The following NFATC3 variants were observed in gnomAD, a reference collection of about 807,000 sequenced individuals.
NFATC3 encodes the protein nuclear factor of activated T cells 3.
A neutral mutation model predicts 98.6 loss-of-function variants in NFATC3; 46 were observed. The ratio of observed to expected loss-of-function variants is 0.47; its 90% CI spans 0.37 to 0.60. The LOEUF is 0.60. NFATC3 is among the 20% of genes least tolerant of loss of function. The probability of loss-of-function intolerance (pLI) is 0.00; values close to 1 mark genes in which losing one functional copy is unlikely to be tolerated. For synonymous variants in NFATC3, 512 were observed against 472.2 expected (o/e 1.08, Z -1.09); for missense variants, 1,256 against 1,295.5 (o/e 0.97, Z 0.47).
intron 8 of NFATC3, among the ~76,000 whole-genome samples, chr16:68,184,860 AAG>A (rs574512334): frequency 1.3e-5 from 2 of 152,192 alleles, no homozygotes; most frequent in East Asian, 1.9e-4. Context: ...AGTTTTTGTA[AAG>A]AGAGAGAAAG....
Position 68,124,932 on chromosome 16 carries a change from T to G in NFATC3, c.1239-1516T>G, listed in dbSNP as rs571312344. Among the ~76,000 whole-genome samples, 5 of 151,912 alleles carry G rather than the reference T, an allele frequency of 3.3e-5. No individual in the cohort carries two copies. The South Asian group carries it at 1.0e-3, about 32-fold the overall frequency. ...TTTTAGTAGAGAATGGGTTTCACCATGTTGGCCAGGCTGGTCTTGAACTCC... is the reference window on the plus strand; with the variant it reads ...TTTTAGTAGAGAATGGGTTTCACCAGGTTGGCCAGGCTGGTCTTGAACTCC... On this transcript the variant is annotated intron_variant, in intron 2 of 9. Coordinates refer to ENST00000346183, the MANE Select transcript of NFATC3 (RefSeq NM_173165.3).
At position 68,085,454 on chromosome 16, in the gene NFATC3, T is replaced by A; in HGVS notation, c.-228T>A. 2.3e-6 allele frequency: 1 copy of A among 431,898 alleles called. No individual in the cohort carries two copies. Among genetic ancestry groups the A allele is most frequent in the South Asian group, 3.2e-5 (1 of 30,808 alleles). 26.8% of individuals were successfully genotyped at this position (431,898 alleles called of 1,614,324 possible). A position where few individuals can be genotyped will look rare whatever the true frequency, so the allele number is the denominator to read the frequency against. Reference sequence around the variant, plus strand: ...CATTGGCTAAGCCGACAGTGGAGGCTTAGGCACCGGTGGCGGGCGGCTGCG... The same window carrying A: ...CATTGGCTAAGCCGACAGTGGAGGCATAGGCACCGGTGGCGGGCGGCTGCG... On this transcript the variant is annotated 5_prime_UTR_variant, in exon 1 of 10. Transcript: ENST00000346183.
At chr16:68,149,255 A>G (rs1300920146) in intron 3 of NFATC3, among the ~76,000 whole-genome samples, 1 of 152,244 alleles carries the variant, frequency 6.6e-6, no homozygotes, top group African/African-American at 2.4e-5. Flanking sequence ...TGACCATTTT[A>G]TTAGTTCCCA....
At chr16:68,132,516 C>T (rs2037169103) in intron 3 of NFATC3, among the ~76,000 whole-genome samples, 1 of 152,156 alleles carries the variant, frequency 6.6e-6, no homozygotes, top group Non-Finnish European at 1.5e-5. Flanking sequence ...AAAAATAGAA[C>T]TACCATGTGA....
intron 2 of NFATC3, 69 bp from the exon 3 acceptor site, chr16:68,126,379 G>A: frequency 7.0e-7 from 1 of 1,425,618 alleles, no homozygotes. Flanking sequence ...TGCTGGCAAA[G>A]AAGCCATTTG....
chr16:68,184,169 A>G (rs1179803698), intron 8 of NFATC3, among the ~76,000 whole-genome samples: 1 of 152,158 alleles, frequency 6.6e-6, no homozygotes, highest in Non-Finnish European at 1.5e-5. Flanking sequence ...TTTACATGAG[A>G]TAAGTCCAAG....
intron 9 of NFATC3, among the ~76,000 whole-genome samples, chr16:68,198,873 C>A (rs1005123294): frequency 1.3e-5 from 2 of 152,208 alleles, no homozygotes; most frequent in Admixed American, 1.3e-4. Context: ...ATGGTGAAAC[C>A]CCGTCTCTAC....
At position 68,173,663 on chromosome 16, in the gene NFATC3, G is replaced by A. The variant is rs569142259; in HGVS notation, c.1775-711G>A. On this transcript the variant is annotated intron_variant, in intron 5 of 9. Transcript: ENST00000346183. ...AGAACTTGTCTTCTCTTCATTGCACGCAATATAATTATACATCTTTGGACT... is the reference window on the plus strand; with the variant it reads ...AGAACTTGTCTTCTCTTCATTGCACACAATATAATTATACATCTTTGGACT... Among the ~76,000 whole-genome samples the A allele has an allele frequency of 1.9e-4, 29 of 152,192 alleles. No individual in the cohort carries two copies. In the East Asian group the frequency reaches 5.4e-3, roughly 28 times the overall value.
At chr16:68,103,362 C>A (rs185084336) in intron 1 of NFATC3, among the ~76,000 whole-genome samples, 1 of 152,184 alleles carries the variant, frequency 6.6e-6, no homozygotes, top group East Asian at 1.9e-4. Context: ...GTGCATGCCA[C>A]CATGCCCAGC....
intron 9 of NFATC3, chr16:68,218,148 A>G (rs1272304508): frequency 3.6e-6 from 2 of 557,568 alleles, no homozygotes; most frequent in East Asian, 2.9e-4. Flanking sequence ...TGCATCCTGG[A>G]ACTCCCTGGG....
In NFATC3 at chr16:68,122,177, C is replaced by T; in HGVS notation, c.294C>T (p.Ser98=). The stretch of plus-strand genomic sequence containing the variant: ...GTGAGATTCCTGAATCTAAATATAG[C>T]CCATTAGGTGGTCCCAAACCCTTTG... ...GTCEIPESKY[S]PLGGPKPFEC... is the part of the protein sequence containing the mutation. Residue 98 remains serine, a synonymous_variant, in exon 2 of 10, where the codon AGC becomes AGT. Transcript: ENST00000346183. 1 of 1,614,082 alleles carries T rather than the reference C, an allele frequency of 6.2e-7. No homozygotes were observed. The highest frequency in any genetic ancestry group is 1.1e-5 in the South Asian group (1 of 91,070).
intron 9 of NFATC3, among the ~76,000 whole-genome samples, chr16:68,218,702 A>G (rs2041735505): frequency 6.6e-6 from 1 of 150,396 alleles, no homozygotes; most frequent in Non-Finnish European, 1.5e-5. Flanking sequence ...CCTCCTGAGT[A>G]GCTGGGACTA....
intron 1 of NFATC3, among the ~76,000 whole-genome samples, chr16:68,099,351 C>T (rs1253182737): frequency 4.0e-5 from 6 of 151,896 alleles, no homozygotes; most frequent in African/African-American, 1.2e-4. Context: ...AGGAGAATGG[C>T]GTGAACCCAG....
Position 68,158,045 on chromosome 16 carries a change from TC to T in NFATC3, c.1580del (p.Pro527LeufsTer15). On this transcript the variant is annotated frameshift_variant, in exon 4 of 10. Coordinates refer to ENST00000346183, the MANE Select transcript of NFATC3 (RefSeq NM_173165.3). LOFTEE classifies it high-confidence loss of function. Reference protein sequence around the residue: ...STKVLEIPLLPENNMSASIDC... With the variant: ...STKVLEIPLLXENNMSASIDC... The stretch of plus-strand genomic sequence containing the variant: ...CAAAAGTTCTGGAAATTCCACTTCT[TC>T]CTGAAAATAATATGTCAGCCAGGTA... 1.2e-6 allele frequency: 2 copies of T among 1,612,842 alleles called. No homozygotes were observed. The highest frequency in any genetic ancestry group is 1.7e-6 in the Non-Finnish European group (2 of 1,179,322).
intron 3 of NFATC3, among the ~76,000 whole-genome samples, chr16:68,131,714 C>T (rs1371996808): frequency 6.6e-6 from 1 of 150,974 alleles, no homozygotes; most frequent in Non-Finnish European, 1.5e-5. Context: ...TCTTGAACTC[C>T]TGGAGTCAAG....
rs888343123 is a variant in NFATC3, at chr16:68,199,220, T to C, written c.3106+7445T>C. On this transcript the variant is annotated intron_variant, in intron 9 of 9. Coordinates refer to ENST00000346183, the MANE Select transcript of NFATC3 (RefSeq NM_173165.3). ...AACAGACCAAGACCCTGTTTATTTTTTTTTTATTTTTTATTTTTTTTGAGA... is the reference window on the plus strand; with the variant it reads ...AACAGACCAAGACCCTGTTTATTTTCTTTTTATTTTTTATTTTTTTTGAGA... Among the ~76,000 whole-genome samples the C allele has an allele frequency of 5.4e-5, 8 of 149,350 alleles. No homozygotes were observed. In the South Asian group the frequency reaches 1.7e-3, roughly 31 times the overall value.
At chr16:68,221,314 CGAGGGAGAAGT>C (rs2041856658) in intron 9 of NFATC3, 1 of 1,611,192 alleles carries the variant, frequency 6.2e-7, no homozygotes, top group African/African-American at 1.3e-5. Flanking sequence ...GCCCCCAGCC[CGAGGGAGAAGT>C]GAGGGAGAAG....
Position 68,146,410 on chromosome 16 carries a change from G to GA in NFATC3, c.1402-11448dup, listed in dbSNP as rs76841161. On this transcript the variant is annotated intron_variant, in intron 3 of 9. Transcript: ENST00000346183. ...CATAGCAAGACCTTGTCTCCCAAAAGAAAAAAAAAAAGGATTTTTTTTAAA... is the reference window on the plus strand; with the variant it reads ...CATAGCAAGACCTTGTCTCCCAAAAGAAAAAAAAAAAAGGATTTTTTTTAAA... Among the ~76,000 whole-genome samples the GA allele has an allele frequency of 9.4e-3, 1,242 of 131,650 alleles. 16 individuals are homozygous for GA. The highest frequency in any genetic ancestry group is 0.031 in the African/African-American group (1,129 of 36,022). 86.4% of individuals were successfully genotyped at this position (131,650 alleles called of 152,430 possible).
At chr16:68,157,545 C>T (rs1377772542) in intron 3 of NFATC3, among the ~76,000 whole-genome samples, 1 of 152,004 alleles carries the variant, frequency 6.6e-6, no homozygotes, top group African/African-American at 2.4e-5. Context: ...TAATGTTGCC[C>T]AGAGTACAGA....
Sources: allele counts gnomAD v4.1 joint callset (sites outside exome capture counted in the v4.1 genomes callset), GRCh38; gene constraint gnomAD v4.1.1; transcripts MANE v1.5; gene names NCBI Gene and HGNC (gene_info 2026-07-23, HGNC 2026-07-21).